HDAC4: variants seen among roughly 807,000 people sequenced by gnomAD.
The protein encoded by HDAC4 is histone deacetylase 4.
A neutral mutation model predicts 135.1 loss-of-function variants in HDAC4; 16 were observed. That is an observed-to-expected ratio of 0.12 (90% confidence interval 0.08 to 0.18). The LOEUF (loss-of-function observed/expected upper bound fraction) is 0.18, where lower values mean the gene tolerates loss of function less well. Ranked by LOEUF, HDAC4 falls within the 10% of genes least tolerant of loss-of-function variation. HDAC4 has a pLI of 1.00. For missense variants in HDAC4, 1,143 were observed against 1,511.8 expected (o/e 0.76, Z 4.05); for synonymous variants, 685 against 653.4 (o/e 1.05, Z -0.74).
At position 239,185,893 on chromosome 2, in the gene HDAC4, G is replaced by A. The variant is rs530487347; in HGVS notation, c.339+3940C>T. Among the ~76,000 whole-genome samples, 10 of 152,264 alleles carry A rather than the reference G, an allele frequency of 6.6e-5. No homozygotes were observed. In the South Asian group the frequency reaches 2.1e-3, roughly 32 times the overall value. ...CAAAAATACAAAAATTAGCAGCAGG[G>A]TGTGGTGGTGCATGCTGGTAATCCC... On this transcript the variant is annotated intron_variant, in intron 4 of 26. Coordinates refer to ENST00000543185, the MANE Select transcript of HDAC4 (RefSeq NM_001378414.1).
intron 2 of HDAC4, among the ~76,000 whole-genome samples, chr2:239,341,102 T>G (rs1234535082): frequency 6.6e-6 from 1 of 152,258 alleles, no homozygotes; most frequent in Non-Finnish European, 1.5e-5. Flanking sequence ...CTGCTTTCCA[T>G]GTCTCCAGTT....
intron 2 of HDAC4, among the ~76,000 whole-genome samples, chr2:239,329,621 A>C (rs1691424254): frequency 6.6e-6 from 1 of 151,884 alleles, no homozygotes; most frequent in Non-Finnish European, 1.5e-5. Context: ...AGTTATTCTG[A>C]AATTTCAAAC....
chr2:239,086,834 T>C (rs1214613813), intron 19 of HDAC4, among the ~76,000 whole-genome samples: 1 of 152,192 alleles, frequency 6.6e-6, no homozygotes, highest in African/African-American at 2.4e-5. Context: ...AGGCACGCCT[T>C]CTCCATCTCC....
rs13415132 is a variant in HDAC4, at chr2:239,262,909, C to T, written c.23-26245G>A. Among the ~76,000 whole-genome samples the T allele has an allele frequency of 0.03, 4,605 of 152,090 alleles. 251 individuals are homozygous for T. The highest frequency in any genetic ancestry group is 0.1 in the African/African-American group (4,327 of 41,468). On this transcript the variant is annotated intron_variant, in intron 2 of 26. Coordinates refer to ENST00000543185, the MANE Select transcript of HDAC4 (RefSeq NM_001378414.1). The surrounding 1 kb of genome is among the most constrained non-coding windows in gnomAD (Gnocchi z 4.1). The stretch of plus-strand genomic sequence containing the variant: ...GAGTGGATCCCTCACTGGAAGGTCA[C>T]GGCACCACTGAGACAGCCTGGAAGC...
chr2:239,141,243 T>C lies in HDAC4; in HGVS notation c.866-1447A>G, dbSNP rs999366475. 5.3e-5 allele frequency among the ~76,000 whole-genome samples: 8 copies of C among 152,120 alleles called. No individual in the cohort carries two copies. The South Asian group carries it at 1.2e-3, about 24-fold the overall frequency. On this transcript the variant is annotated intron_variant, in intron 8 of 26. Transcript: ENST00000543185. The surrounding 1 kb of genome is among the most constrained non-coding windows in gnomAD (Gnocchi z 4.9). ...CCACCAGGAACACCCTGGGAACATC[T>C]TGCCCTCAACAGCAGGGCAGTCTAA...
chr2:239,275,256 G>A (rs2050289405), intron 2 of HDAC4, among the ~76,000 whole-genome samples: 1 of 152,190 alleles, frequency 6.6e-6, no homozygotes. Context: ...CTGGCAAGCC[G>A]CCCCACGCTG....
rs377015962 is a variant in HDAC4 at position 239,054,731 on chromosome 2, C to A, written c.3088+18G>T. On this transcript the variant is annotated intron_variant, in intron 25 of 26. Coordinates refer to ENST00000543185, the MANE Select transcript of HDAC4 (RefSeq NM_001378414.1). Reference sequence around the variant, plus strand: ...CCCAGGGGCGTGTCCCCTGTGAGCACCCAGCCAGGCAACTTACTGTGGATC... The same window carrying A: ...CCCAGGGGCGTGTCCCCTGTGAGCAACCAGCCAGGCAACTTACTGTGGATC... 1.3e-6 allele frequency: 2 copies of A among 1,577,466 alleles called. No individual in the cohort carries two copies. The highest frequency in any genetic ancestry group is 1.1e-5 in the South Asian group (1 of 90,364).
rs780273000 is a variant in HDAC4, at chr2:239,313,673, A to C, written c.22+39005T>G. On this transcript the variant is annotated intron_variant, in intron 2 of 26. Coordinates refer to ENST00000543185, the MANE Select transcript of HDAC4 (RefSeq NM_001378414.1). This position sits in a 1 kb window ranked among gnomAD's most constrained non-coding sequence, Gnocchi z 5.1. ...TTATGAAAATAAGCGCCTCAAAAGA[A>C]AGCCAACGTACAGCACTGGTGACAG... 2.0e-5 allele frequency among the ~76,000 whole-genome samples: 3 copies of C among 152,212 alleles called. No individual in the cohort carries two copies. Among genetic ancestry groups the C allele is most frequent in the Non-Finnish European group, 4.4e-5 (3 of 68,038 alleles).
At chr2:239,156,616 G>A (rs1426298022) in intron 7 of HDAC4, 36 bp downstream of exon 7, 1 of 1,613,926 alleles carries the variant, frequency 6.2e-7, no homozygotes, top group South Asian at 1.1e-5. Context: ...GCCCGTGCAG[G>A]AGACCTCCCG....
At chr2:239,176,626 A>C in intron 4 of HDAC4, 63 bp from the exon 5 acceptor site, 9 of 1,520,104 alleles carry the variant, frequency 5.9e-6, no homozygotes, top group Admixed American at 1.7e-5. Flanking sequence ...CAGAGACCCA[A>C]TGAAGACCCA....
intron 12 of HDAC4, among the ~76,000 whole-genome samples, chr2:239,118,191 GTTTGT>G (rs2039313126): frequency 6.6e-6 from 1 of 151,890 alleles, no homozygotes; most frequent in Non-Finnish European, 1.5e-5. Flanking sequence ...TGGGCGGGGG[GTTTGT>G]TTTATGATTG....
At chr2:239,310,641 C>T (rs1213072805) in intron 2 of HDAC4, among the ~76,000 whole-genome samples, 1 of 152,180 alleles carries the variant, frequency 6.6e-6, no homozygotes, top group Admixed American at 6.5e-5. Flanking sequence ...CCTCTGCCCC[C>T]CAGGGAGTAA....
chr2:239,233,458 G>GAA (rs76168990), intron 3 of HDAC4, among the ~76,000 whole-genome samples: 5 of 128,348 alleles, frequency 3.9e-5, no homozygotes, highest in African/African-American at 1.2e-4. Flanking sequence ...TCCAAAATCC[G>GAA]AAAAAAAAAA....
intron 2 of HDAC4, among the ~76,000 whole-genome samples, chr2:239,257,476 T>C (rs557885415): frequency 2.6e-5 from 4 of 152,268 alleles, no homozygotes; most frequent in Admixed American, 6.5e-5. Flanking sequence ...GAATCTTTAG[T>C]ACTTTTGACC....
chr2:239,082,811 T>C (rs1240916138), intron 20 of HDAC4, among the ~76,000 whole-genome samples: 1 of 152,242 alleles, frequency 6.6e-6, no homozygotes, highest in Non-Finnish European at 1.5e-5. Flanking sequence ...ACAGGTCAGA[T>C]GCAGCAGAGA....
chr2:239,296,309 CAGA>C (rs1361403730), intron 2 of HDAC4, among the ~76,000 whole-genome samples: 3 of 152,366 alleles, frequency 2.0e-5, no homozygotes, highest in Middle Eastern at 3.4e-3. Context: ...GCACTCTGCC[CAGA>C]AGGAGGCCAA....
At chr2:239,243,714 T>C (rs986183272) in intron 2 of HDAC4, among the ~76,000 whole-genome samples, 2 of 152,182 alleles carry the variant, frequency 1.3e-5, no homozygotes, top group African/African-American at 4.8e-5. Flanking sequence ...TGTGAGTTTA[T>C]AGAAAAATTA....
intron 21 of HDAC4, among the ~76,000 whole-genome samples, chr2:239,081,561 G>C (rs2035330905): frequency 6.6e-6 from 1 of 152,258 alleles, no homozygotes; most frequent in Non-Finnish European, 1.5e-5. Context: ...CGATGAGCCT[G>C]TCATTTCCTA....
intron 3 of HDAC4, among the ~76,000 whole-genome samples, chr2:239,217,188 C>T (rs771693206): frequency 2.0e-5 from 3 of 152,128 alleles, no homozygotes; most frequent in African/African-American, 7.2e-5. Context: ...ACAGCACAGG[C>T]GGTAGCAGGG....
Sources: gnomAD v4.1 joint callset for allele counts (sites outside exome capture counted in the v4.1 genomes callset) on GRCh38, gnomAD v4.1.1 for gene constraint, Gnocchi (gnomAD v3.1) non-coding constraint, MANE v1.5 for transcripts, NCBI Gene and HGNC (gene_info 2026-07-23, HGNC 2026-07-21) for gene names.